The following ARHGEF4 variants were observed in gnomAD, a reference collection of about 807,000 sequenced individuals.
ARHGEF4 encodes Rho guanine nucleotide exchange factor 4.
Under a neutral mutation model 162.0 loss-of-function variants are expected in ARHGEF4, and 119 were observed. That is an observed-to-expected ratio of 0.73 (90% CI 0.63 to 0.86). The LOEUF (loss-of-function observed/expected upper bound fraction) is 0.86. ARHGEF4 is among the 40% of genes least tolerant of loss of function. The pLI, the probability that ARHGEF4 is intolerant of heterozygous loss-of-function variation, is 0.00. For synonymous variants in ARHGEF4, 1,014 were observed against 979.9 expected (o/e 1.03, Z -0.65); for missense variants, 2,488 against 2,456.0 (o/e 1.01, Z -0.28).
chr2:130,960,069 A>G (rs1235553738), intron 4 of ARHGEF4, among the ~76,000 whole-genome samples: 1 of 152,182 alleles, frequency 6.6e-6, no homozygotes, highest in Non-Finnish European at 1.5e-5. Flanking sequence ...TACACACAAT[A>G]TATATACAGT....
intron 1 of ARHGEF4, among the ~76,000 whole-genome samples, chr2:130,871,544 T>A (rs140719576): frequency 0.044 from 6,563 of 149,086 alleles, 280 homozygotes; most frequent in African/African-American, 0.1. Flanking sequence ...CTCAAAAAAA[T>A]ATATATATAT....
At chr2:131,027,679 T>C (rs1689570229) in intron 4 of ARHGEF4, among the ~76,000 whole-genome samples, 1 of 152,196 alleles carries the variant, frequency 6.6e-6, no homozygotes, top group Admixed American at 6.5e-5. Flanking sequence ...TGTGTGATGG[T>C]GAATACTTAT....
At chr2:130,980,183 G>A (rs1239410315) in intron 4 of ARHGEF4, among the ~76,000 whole-genome samples, 2 of 152,136 alleles carry the variant, frequency 1.3e-5, no homozygotes, top group African/African-American at 4.8e-5. Flanking sequence ...GATCACTTGA[G>A]CTCAGGAGTT....
intron 4 of ARHGEF4, among the ~76,000 whole-genome samples, chr2:130,959,750 A>T (rs942862782): frequency 9.3e-4 from 141 of 152,328 alleles, no homozygotes; most frequent in African/African-American, 3.2e-3. Context: ...CAAGGTCACA[A>T]CTAGGAAGAG....
At chr2:130,874,779 C>T (rs1678714597) in intron 1 of ARHGEF4, among the ~76,000 whole-genome samples, 2 of 152,114 alleles carry the variant, frequency 1.3e-5, no homozygotes, top group South Asian at 4.1e-4. Flanking sequence ...ACCACTGCCA[C>T]CTCCCCATCT....
intron 4 of ARHGEF4, among the ~76,000 whole-genome samples, chr2:131,000,400 T>C (rs918932307): frequency 3.3e-5 from 5 of 152,210 alleles, no homozygotes; most frequent in Non-Finnish European, 7.3e-5. Flanking sequence ...TGACTTTTTT[T>C]GTTGTGTTTC....
intron 1 of ARHGEF4, among the ~76,000 whole-genome samples, chr2:130,854,363 C>T (rs866723416): frequency 6.6e-6 from 1 of 152,110 alleles, no homozygotes; most frequent in African/African-American, 2.4e-5. Context: ...CATCACGCCC[C>T]ACCTCTTCCT....
chr2:130,839,011 A>G (rs756214584), intron 1 of ARHGEF4, among the ~76,000 whole-genome samples: 9 of 152,060 alleles, frequency 5.9e-5, no homozygotes, highest in African/African-American at 2.2e-4. Flanking sequence ...TTTCTGCCTC[A>G]GGTCCCTGTA....
At chr2:131,039,541 T>C in intron 6 of ARHGEF4, 2 of 1,034,818 alleles carry the variant, frequency 1.9e-6, no homozygotes, top group Non-Finnish European at 2.3e-6. Context: ...GCGTCCAAGC[T>C]GAGGGCCGTC....
chr2:130,848,273 G>T (rs887651583), intron 1 of ARHGEF4, among the ~76,000 whole-genome samples: 5 of 152,184 alleles, frequency 3.3e-5, no homozygotes, highest in Non-Finnish European at 5.9e-5. Flanking sequence ...CCAGGATCGC[G>T]TCTGAACCAC....
chr2:130,918,720 C>G (rs183286575), intron 2 of ARHGEF4, among the ~76,000 whole-genome samples: 1 of 152,162 alleles, frequency 6.6e-6, no homozygotes, highest in Non-Finnish European at 1.5e-5. Context: ...CCCACAAGGC[C>G]GAGTGGACAG....
chr2:131,011,571 T>A lies in ARHGEF4; in HGVS notation c.3986-16374T>A. On this transcript the variant is annotated intron_variant, in intron 4 of 13. Transcript: ENST00000409359. Reference sequence around the variant, plus strand: ...AAGCATGTGCTTCCATATCAGCCACTTTGGACAGCATTTCATGCTATTAAT... The same window carrying A: ...AAGCATGTGCTTCCATATCAGCCACATTGGACAGCATTTCATGCTATTAAT... The A allele has an allele frequency of 3.4e-6, 5 of 1,482,046 alleles. No individual in the cohort carries two copies. In the South Asian group the frequency reaches 6.6e-5, roughly 19 times the overall value. The allele number at this position is 1,482,046 out of a possible 1,614,324, so 91.8% of individuals were successfully genotyped here.
chr2:130,923,369 A>G (rs982647164), intron 2 of ARHGEF4, among the ~76,000 whole-genome samples: 3 of 152,224 alleles, frequency 2.0e-5, no homozygotes, highest in African/African-American at 7.2e-5. Context: ...TATTACATGT[A>G]GGTCTCTGAG....
intron 4 of ARHGEF4, among the ~76,000 whole-genome samples, chr2:130,967,439 T>C (rs1033221717): frequency 2.6e-5 from 4 of 152,200 alleles, no homozygotes; most frequent in Non-Finnish European, 2.9e-5. Context: ...GGATGTGTCA[T>C]CTGACAAGCC....
In ARHGEF4 at chr2:130,915,444, G is replaced by A. The variant is rs1289306750; in HGVS notation, c.1498G>A (p.Gly500Arg). Reference protein sequence around the residue: ...KHLWGISVQAGNQTSNYTSKY... With the variant: ...KHLWGISVQARNQTSNYTSKY... ...CCTCTGGGGCATTTCTGTCCAGGCA[G>A]GAAACCAAACCAGTAATTACACATC... The change falls in exon 2 of 14, where the codon GGA becomes AGA. Residue 500 changes from glycine (G) to arginine (R), a missense_variant. Coordinates refer to ENST00000409359, the MANE Select transcript of ARHGEF4 (RefSeq NM_001367493.1). 1 of 1,550,580 alleles carries A rather than the reference G, an allele frequency of 6.4e-7. No individual in the cohort carries two copies. Among genetic ancestry groups the A allele is most frequent in the Non-Finnish European group, 8.7e-7 (1 of 1,147,020 alleles).
chr2:130,878,615 G>A (rs62177032), intron 1 of ARHGEF4, among the ~76,000 whole-genome samples: 2,242 of 152,320 alleles, frequency 0.015, 24 homozygotes, highest in Non-Finnish European at 0.024. Flanking sequence ...GCAATGAGTA[G>A]GGATGGAACC....
At chr2:130,939,660 C>T (rs1348099109) in intron 3 of ARHGEF4, among the ~76,000 whole-genome samples, 1 of 152,164 alleles carries the variant, frequency 6.6e-6, no homozygotes, top group Non-Finnish European at 1.5e-5. Flanking sequence ...TGCAGAAAAC[C>T]TATAAATTAA....
At chr2:130,917,587 T>TA in intron 2 of ARHGEF4, 89 bp downstream of exon 2, 1 of 1,446,648 alleles carries the variant, frequency 6.9e-7, no homozygotes. Context: ...AGGGGAGAGG[T>TA]AAAATAGGAA....
chr2:130,883,273 C>T (rs1227237812), intron 1 of ARHGEF4, among the ~76,000 whole-genome samples: 4 of 152,028 alleles, frequency 2.6e-5, no homozygotes, highest in Admixed American at 2.0e-4. Context: ...TCTGCCAGGC[C>T]GTTTTCCTGC....
Sources: allele counts gnomAD v4.1 joint callset (sites outside exome capture counted in the v4.1 genomes callset), GRCh38; gene constraint gnomAD v4.1.1; transcripts MANE v1.5; gene names NCBI Gene and HGNC (gene_info 2026-07-23, HGNC 2026-07-21).